The following DIP2B variants were observed in gnomAD, a reference collection of about 807,000 sequenced individuals.
DIP2B encodes the protein DIP2 acetate--CoA ligase B (putative).
In DIP2B, 76 loss-of-function variants were observed where a neutral mutation model predicts 198.0. The observed-to-expected ratio is 0.38, with a 90% CI of 0.32 to 0.46. DIP2B has a LOEUF of 0.46. Among genes scored for constraint, DIP2B ranks in the 20% least tolerant of loss-of-function variants. DIP2B has a pLI of 0.99. For synonymous variants in DIP2B, 701 were observed against 739.1 expected (o/e 0.95, Z 0.84); for missense variants, 1,559 against 1,978.4 (o/e 0.79, Z 4.02).
intron 1 of DIP2B, among the ~76,000 whole-genome samples, chr12:50,557,208 C>T (rs1049723763): frequency 3.9e-5 from 6 of 152,214 alleles, no homozygotes; most frequent in African/African-American, 1.4e-4. Context: ...ATAATAAGCT[C>T]TTCCTACTTT....
intron 1 of DIP2B, among the ~76,000 whole-genome samples, chr12:50,579,611 CAAAAAAAAAAAAAAAA>C (rs1160480924): frequency 0.031 from 213 of 6,828 alleles, no homozygotes; most frequent in South Asian, 0.085. Context: ...GACTCCGTCT[CAAAAAAAAAAAAAAAA>C]AAAAAAAAAA....
intron 1 of DIP2B, among the ~76,000 whole-genome samples, chr12:50,567,847 T>C (rs1958579555): frequency 1.3e-5 from 2 of 152,216 alleles, no homozygotes; most frequent in South Asian, 4.1e-4. Context: ...TTGATAATTC[T>C]ATTATCTGTT....
chr12:50,603,539 G>A (rs570947848), intron 1 of DIP2B, among the ~76,000 whole-genome samples: 1 of 151,764 alleles, frequency 6.6e-6, no homozygotes, highest in South Asian at 2.1e-4. Flanking sequence ...AGGAGTTTGA[G>A]ACCAGCCTGG....
chr12:50,506,247 C>T (rs1203879404), intron 1 of DIP2B, among the ~76,000 whole-genome samples: 1 of 152,104 alleles, frequency 6.6e-6, no homozygotes, highest in Non-Finnish European at 1.5e-5. Flanking sequence ...GATTGTGTCT[C>T]CAGAGTTGCA....
chr12:50,571,216 G>T (rs1958610698), intron 1 of DIP2B, among the ~76,000 whole-genome samples: 1 of 145,204 alleles, frequency 6.9e-6, no homozygotes, highest in East Asian at 2.0e-4. Context: ...CTGTCACCCA[G>T]GCTAGAGTGC....
At chr12:50,599,485 T>C (rs114961861) in intron 1 of DIP2B, among the ~76,000 whole-genome samples, 2,020 of 151,900 alleles carry the variant, frequency 0.013, 51 homozygotes, top group African/African-American at 0.046. Flanking sequence ...GGTGTGGTAG[T>C]GCATGCCTGT....
chr12:50,701,997 C>T (rs1004361067), intron 19 of DIP2B, among the ~76,000 whole-genome samples: 5 of 152,070 alleles, frequency 3.3e-5, no homozygotes, highest in Admixed American at 6.5e-5. Flanking sequence ...GGAGCAGTTG[C>T]TCATGCCTGT....
intron 10 of DIP2B, 34 bp from the exon 11 acceptor site, chr12:50,685,799 T>C (rs754291133): frequency 6.2e-7 from 1 of 1,602,676 alleles, no homozygotes; most frequent in Non-Finnish European, 8.5e-7. Context: ...TCACATTCGC[T>C]CCCCTACCTA....
intron 12 of DIP2B, 52 bp from the exon 13 acceptor site, chr12:50,690,996 TC>T: frequency 6.6e-7 from 1 of 1,505,980 alleles, no homozygotes; most frequent in Non-Finnish European, 9.2e-7. Context: ...AGTTTTGTCA[TC>T]TGAAATAACC....
At chr12:50,545,320 CTCCCTTCA>C (rs1958366645) in intron 1 of DIP2B, among the ~76,000 whole-genome samples, 1 of 150,404 alleles carries the variant, frequency 6.6e-6, no homozygotes, top group Admixed American at 6.7e-5. Context: ...TCCTCCCTTC[CTCCCTTCA>C]TCCCTCCCTC....
rs563951192 is a variant in DIP2B, at chr12:50,567,261, G to C, written c.101-58715G>C. Among the ~76,000 whole-genome samples, 7 of 152,252 alleles carry C rather than the reference G, an allele frequency of 4.6e-5. No individual in the cohort carries two copies. In the East Asian group the frequency reaches 9.7e-4, roughly 21 times the overall value. On this transcript the variant is annotated intron_variant, in intron 1 of 37. Transcript: ENST00000301180. ...CCCAGTGTTAACATCTTGCATAACT[G>C]TAGTACATTATTAATACAAAGAAAT...
chr12:50,629,258 G>A (rs1465261745), intron 2 of DIP2B, among the ~76,000 whole-genome samples: 1 of 152,100 alleles, frequency 6.6e-6, no homozygotes, highest in African/African-American at 2.4e-5. Flanking sequence ...TCTGTTAAAT[G>A]TTAGATTTCT....
chr12:50,600,732 A>G (rs1958927030), intron 1 of DIP2B, among the ~76,000 whole-genome samples: 1 of 152,160 alleles, frequency 6.6e-6, no homozygotes, highest in African/African-American at 2.4e-5. Flanking sequence ...GAAGTCTGAT[A>G]TTTGCTTTAG....
chr12:50,567,936 A>G (rs1254671358), intron 1 of DIP2B, among the ~76,000 whole-genome samples: 1 of 152,102 alleles, frequency 6.6e-6, no homozygotes, highest in Non-Finnish European at 1.5e-5. Flanking sequence ...TATGTTGAGT[A>G]ATTTTGGATT....
In DIP2B at chr12:50,747,714, G is replaced by GT. The variant is rs1940358951; in HGVS notation, c.*2875_*2876insT. The GT allele has an allele frequency of 6.6e-6, 1 of 152,220 alleles. No homozygotes were observed. The highest frequency in any genetic ancestry group is 6.5e-5 in the Admixed American group (1 of 15,280). 9.4% of individuals were successfully genotyped at this position (152,220 alleles called of 1,614,324 possible). The stretch of plus-strand genomic sequence containing the variant: ...CAATCCTCTGGAACATATTCTGTCT[G>GT]GGTTTTTAATGTCTGTGGAAAAAAA... On this transcript the variant is annotated 3_prime_UTR_variant, in exon 38 of 38. Transcript: ENST00000301180.
chr12:50,543,628 A>C (rs1202633032), intron 1 of DIP2B, among the ~76,000 whole-genome samples: 1 of 151,778 alleles, frequency 6.6e-6, no homozygotes, highest in African/African-American at 2.4e-5. Context: ...CATTATAAAA[A>C]TAGCACATGT....
intron 4 of DIP2B, among the ~76,000 whole-genome samples, chr12:50,661,361 GT>G (rs1938643758): frequency 6.6e-6 from 1 of 152,116 alleles, no homozygotes; most frequent in African/African-American, 2.4e-5. Flanking sequence ...CAGCTGTCAA[GT>G]TGTTGAGCTG....
chr12:50,696,084 A>G (rs1352281237), intron 16 of DIP2B, 117 bp downstream of exon 16: 55 of 1,453,946 alleles, frequency 3.8e-5, no homozygotes, highest in Non-Finnish European at 5.1e-5. Context: ...TAAGATGTGT[A>G]ATTCAGTGGT....
intron 1 of DIP2B, among the ~76,000 whole-genome samples, chr12:50,562,773 A>C (rs536635705): frequency 6.6e-6 from 1 of 152,004 alleles, no homozygotes; most frequent in South Asian, 2.1e-4. Context: ...TTTTATGGTC[A>C]GACTAAATTA....
Sources: gnomAD v4.1 joint callset for allele counts (sites outside exome capture counted in the v4.1 genomes callset) on GRCh38, gnomAD v4.1.1 for gene constraint, MANE v1.5 for transcripts, NCBI Gene and HGNC (gene_info 2026-07-23, HGNC 2026-07-21) for gene names.